GDAP1: variants seen among roughly 807,000 people sequenced by gnomAD.
GDAP1 encodes the protein ganglioside induced differentiation associated protein 1.
Under a neutral mutation model 40.1 loss-of-function variants are expected in GDAP1, and 34 were observed. That is an observed-to-expected ratio of 0.85 (90% CI 0.64 to 1.13). GDAP1 has a LOEUF of 1.13. GDAP1 is among the 50% of genes most tolerant of loss of function. The probability of loss-of-function intolerance (pLI) is 0.00; values close to 1 mark genes in which losing one functional copy is unlikely to be tolerated. For synonymous variants in GDAP1, 170 were observed against 157.4 expected (o/e 1.08, Z -0.60); for missense variants, 374 against 433.7 (o/e 0.86, Z 1.22).
At chr8:74,425,701 T>C (rs1235891164) in intron 2 of GDAP1, among the ~76,000 whole-genome samples, 1 of 151,968 alleles carries the variant, frequency 6.6e-6, no homozygotes, top group African/African-American at 2.4e-5. Flanking sequence ...GAGTGAAGAG[T>C]GACATAAGAG....
At chr8:74,385,762 C>T (rs190879462) in intron 2 of GDAP1, among the ~76,000 whole-genome samples, 10 of 152,308 alleles carry the variant, frequency 6.6e-5, no homozygotes, top group Admixed American at 4.6e-4. Flanking sequence ...GGAATCCCCA[C>T]ACTGTCTTCC....
Position 74,411,524 on chromosome 8 carries a change from A to AATAT in GDAP1, c.165+60221_165+60224dup, listed in dbSNP as rs57240234. ...ACTAGTATTTACTATTTATTAAGCA[A>AATAT]ATATATATATATATATATATACACA... On this transcript the variant is annotated intron_variant, in intron 2 of 2. Coordinates refer to the GDAP1 transcript ENST00000523640. Among the ~76,000 whole-genome samples the AATAT allele has an allele frequency of 5.0e-3, 710 of 143,248 alleles. 24 individuals carry two copies. The highest frequency in any genetic ancestry group is 8.0e-3 in the African/African-American group (289 of 36,320). 94.0% of individuals were successfully genotyped at this position (143,248 alleles called of 152,430 possible).
chr8:74,426,049 C>T (rs192835309), intron 2 of GDAP1, among the ~76,000 whole-genome samples: 2 of 152,272 alleles, frequency 1.3e-5, no homozygotes. Context: ...GTTCCTAGTT[C>T]TGCTAGCTTA....
At chr8:74,476,590 A>T (rs1227852673) in intron 2 of GDAP1, among the ~76,000 whole-genome samples, 1 of 152,188 alleles carries the variant, frequency 6.6e-6, no homozygotes, top group South Asian at 2.1e-4. Context: ...TCTTTGCTTT[A>T]AGAATGTTGA....
intron 2 of GDAP1, among the ~76,000 whole-genome samples, chr8:74,431,463 A>ATTCT (rs950972995): frequency 1.1e-4 from 15 of 140,634 alleles, no homozygotes. Context: ...CATGTTCAAA[A>ATTCT]TTCTTTCTTA....
chr8:74,363,469 G>C (rs914524977), intron 5 of GDAP1, among the ~76,000 whole-genome samples: 5 of 152,198 alleles, frequency 3.3e-5, no homozygotes, highest in Admixed American at 3.3e-4. Context: ...CCAGTGAACT[G>C]GCTTCAGGGT....
chr8:74,465,261 C>T (rs913456406), intron 2 of GDAP1, among the ~76,000 whole-genome samples: 2 of 152,002 alleles, frequency 1.3e-5, no homozygotes, highest in African/African-American at 4.8e-5. Flanking sequence ...AAACCTAAGC[C>T]GTGCTATTCT....
At chr8:74,428,218 C>A (rs1805975234) in intron 2 of GDAP1, among the ~76,000 whole-genome samples, 3 of 128,776 alleles carry the variant, frequency 2.3e-5, no homozygotes, top group Non-Finnish European at 4.8e-5. Context: ...CATAGTGAGA[C>A]CCCATTGCTA....
At chr8:74,469,928 C>A (rs1310083663) in intron 2 of GDAP1, among the ~76,000 whole-genome samples, 1 of 151,906 alleles carries the variant, frequency 6.6e-6, no homozygotes, top group South Asian at 2.1e-4. Flanking sequence ...GAGCCAAGAT[C>A]GCACCATTGC....
intron 2 of GDAP1, among the ~76,000 whole-genome samples, chr8:74,380,682 G>A (rs1415251884): frequency 6.6e-6 from 1 of 152,076 alleles, no homozygotes; most frequent in Admixed American, 6.6e-5. Flanking sequence ...AGGCATGTAA[G>A]TTTAAAGACT....
intron 2 of GDAP1, among the ~76,000 whole-genome samples, chr8:74,432,106 C>T (rs779231907): frequency 1.9e-4 from 29 of 152,248 alleles, no homozygotes; most frequent in Admixed American, 3.3e-4. Flanking sequence ...GGGTCTCTCT[C>T]TCCCTCTGAG....
At chr8:74,407,300 C>A in intron 2 of GDAP1, among the ~76,000 whole-genome samples, 1 of 149,666 alleles carries the variant, frequency 6.7e-6, no homozygotes, top group East Asian at 1.9e-4. Flanking sequence ...TTGATTGAAT[C>A]GAAGTATTGT....
At chr8:74,466,727 C>T (rs765249276) in intron 2 of GDAP1, among the ~76,000 whole-genome samples, 10 of 152,090 alleles carry the variant, frequency 6.6e-5, no homozygotes, top group Non-Finnish European at 2.9e-5. Flanking sequence ...CAAGTAAAAA[C>T]GTTAAATAGG....
At position 74,365,215 on chromosome 8, in the gene GDAP1, T is replaced by G. The variant is rs1809565238; in HGVS notation, c.*848T>G. ...TGATGATCTGGGAGCACCAAATATGTTCATTCTTCGTTTGGGGAGGCTGGT... is the reference window on the plus strand; with the variant it reads ...TGATGATCTGGGAGCACCAAATATGGTCATTCTTCGTTTGGGGAGGCTGGT... On this transcript the variant is annotated 3_prime_UTR_variant, in exon 6 of 6. Transcript: ENST00000220822. 2.2e-6 allele frequency: 1 copy of G among 453,992 alleles called. No individual in the cohort carries two copies. The highest frequency in any genetic ancestry group is 2.0e-5 in the African/African-American group (1 of 49,998). 28.1% of individuals were successfully genotyped at this position (453,992 alleles called of 1,614,324 possible).
At chr8:74,466,288 G>C (rs979132989) in intron 2 of GDAP1, among the ~76,000 whole-genome samples, 4 of 152,116 alleles carry the variant, frequency 2.6e-5, no homozygotes, top group Admixed American at 6.6e-5. Flanking sequence ...AGGGCCCCAG[G>C]GTTCCTTGGA....
At chr8:74,433,069 A>G (rs559306810) in intron 2 of GDAP1, among the ~76,000 whole-genome samples, 3 of 152,008 alleles carry the variant, frequency 2.0e-5, no homozygotes, top group Non-Finnish European at 4.4e-5. Context: ...CAGCTGTCCC[A>G]TTTGTCTGCA....
chr8:74,471,723 C>A (rs142782513), intron 2 of GDAP1, among the ~76,000 whole-genome samples: 1 of 152,086 alleles, frequency 6.6e-6, no homozygotes, highest in East Asian at 1.9e-4. Flanking sequence ...TTGTCACTGT[C>A]GGTCAGTTTA....
Position 74,351,273 on chromosome 8 carries a change from G to C in GDAP1, c.118-1G>C. 1 of 1,613,532 alleles carries C rather than the reference G, an allele frequency of 6.2e-7. No homozygotes were observed. Among genetic ancestry groups the C allele is most frequent in the Non-Finnish European group, 8.5e-7 (1 of 1,179,398 alleles). On this transcript the variant is annotated splice_acceptor_variant, in intron 1 of 5. Coordinates refer to ENST00000220822, the MANE Select transcript of GDAP1 (RefSeq NM_018972.4). LOFTEE classifies it high-confidence loss of function. ...GTAGTAACCAGTGTGAACTCTTCCAGGTGCGCTTGGTAATTGCTGAAAAGG... is the reference window on the plus strand; with the variant it reads ...GTAGTAACCAGTGTGAACTCTTCCACGTGCGCTTGGTAATTGCTGAAAAGG...
chr8:74,362,784 C>CTCTTTTTT (rs1300148699), intron 4 of GDAP1, among the ~76,000 whole-genome samples, 155 bp from the exon 5 acceptor site: 3 of 60,450 alleles, frequency 5.0e-5, no homozygotes, highest in Non-Finnish European at 9.2e-5. Context: ...CTCTCTCTCT[C>CTCTTTTTT]TTTTTTTTTT....
Sources: gnomAD v4.1 joint callset for allele counts (sites outside exome capture counted in the v4.1 genomes callset) on GRCh38, gnomAD v4.1.1 for gene constraint, MANE v1.5 for transcripts, NCBI Gene and HGNC (gene_info 2026-07-23, HGNC 2026-07-21) for gene names.